Variants in NTRK3 observed in about 807,000 individuals in gnomAD.
NTRK3 encodes the protein neurotrophic receptor tyrosine kinase 3.
Under a neutral mutation model 91.7 loss-of-function variants are expected in NTRK3, and 24 were observed. That is an observed-to-expected ratio of 0.26 (90% CI 0.19 to 0.37). The LOEUF (loss-of-function observed/expected upper bound fraction) is 0.37, where lower values mean the gene tolerates loss of function less well. NTRK3 is among the 10% of genes least tolerant of loss of function. The probability of loss-of-function intolerance (pLI) is 1.00; values close to 1 mark genes in which losing one functional copy is unlikely to be tolerated. For synonymous variants in NTRK3, 483 were observed against 404.0 expected (o/e 1.20, Z -2.34); for missense variants, 880 against 1,068.9 (o/e 0.82, Z 2.46).
Position 88,097,658 on chromosome 15 carries a change from G to T in NTRK3, c.1396+28613C>A, listed in dbSNP as rs369121136. ...GTAACTTAAGTGACCAATAAACGGG[G>T]AATGATTAAATTTAAAAAGACAGAT... is the stretch of plus-strand genomic sequence containing the variant. On this transcript the variant is annotated intron_variant, in intron 13 of 18. Transcript: ENST00000394480. 9.9e-5 allele frequency among the ~76,000 whole-genome samples: 15 copies of T among 152,262 alleles called. No individual in the cohort carries two copies. In the East Asian group the frequency reaches 2.7e-3, roughly 27 times the overall value.
intron 6 of NTRK3, among the ~76,000 whole-genome samples, chr15:88,139,157 G>A (rs1465615041): frequency 6.6e-6 from 1 of 152,216 alleles, no homozygotes; most frequent in Non-Finnish European, 1.5e-5. Context: ...GATAGGGGAA[G>A]AGTCACCTTC....
At chr15:88,019,794 C>T (rs766062965) in intron 14 of NTRK3, among the ~76,000 whole-genome samples, 12 of 152,190 alleles carry the variant, frequency 7.9e-5, no homozygotes, top group Non-Finnish European at 1.6e-4. Flanking sequence ...TAATACACTT[C>T]ATCAGGATCC....
At chr15:87,979,343 T>C (rs1194545239) in intron 14 of NTRK3, 1 of 1,606,420 alleles carries the variant, frequency 6.2e-7, no homozygotes, top group Admixed American at 1.7e-5. Flanking sequence ...TAAAAGGAGT[T>C]TTTAAAAGCC....
At chr15:87,958,708 G>T (rs879087882) in intron 14 of NTRK3, among the ~76,000 whole-genome samples, 2 of 151,908 alleles carry the variant, frequency 1.3e-5, no homozygotes, top group South Asian at 2.1e-4. Context: ...CCCTTATCCT[G>T]CTGGCACCAT....
chr15:88,033,610 C>T (rs1035135088), intron 13 of NTRK3, among the ~76,000 whole-genome samples: 1 of 152,020 alleles, frequency 6.6e-6, no homozygotes, highest in Non-Finnish European at 1.5e-5. Flanking sequence ...CATGCCCGGC[C>T]CACATTTTCT....
chr15:88,108,296 AAG>A (rs1567423790), intron 13 of NTRK3, among the ~76,000 whole-genome samples: 3 of 152,232 alleles, frequency 2.0e-5, no homozygotes, highest in Non-Finnish European at 4.4e-5. Context: ...GTCAGGAAGT[AAG>A]AGTCACTGTC....
intron 13 of NTRK3, among the ~76,000 whole-genome samples, chr15:88,092,873 C>T (rs139200269): frequency 1.6e-4 from 24 of 152,290 alleles, no homozygotes; most frequent in African/African-American, 5.3e-4. Context: ...CTGCCTCTCC[C>T]TTACAAAAAT....
At chr15:88,172,212 T>C (rs1246752992) in intron 5 of NTRK3, among the ~76,000 whole-genome samples, 3 of 151,956 alleles carry the variant, frequency 2.0e-5, no homozygotes, top group African/African-American at 4.8e-5. Context: ...CAAAGACCCA[T>C]TAAGAGGAAA....
intron 13 of NTRK3, among the ~76,000 whole-genome samples, chr15:88,111,149 G>C (rs1245720134): frequency 6.6e-6 from 1 of 152,188 alleles, no homozygotes; most frequent in Non-Finnish European, 1.5e-5. Flanking sequence ...GCATGGTTTG[G>C]GGCTCAATGG....
intron 3 of NTRK3, among the ~76,000 whole-genome samples, chr15:88,251,294 G>A (rs371212403): frequency 2.8e-4 from 42 of 152,322 alleles, no homozygotes; most frequent in South Asian, 8.3e-4. Context: ...TAAAAGTGGC[G>A]TGGCCGAGCC....
intron 14 of NTRK3, among the ~76,000 whole-genome samples, chr15:88,010,451 T>C (rs1224485351): frequency 6.6e-6 from 1 of 152,144 alleles, no homozygotes; most frequent in Non-Finnish European, 1.5e-5. Context: ...GGAGAACAAT[T>C]TATGTAAAAT....
At chr15:87,952,794 C>G (rs1200105659) in intron 14 of NTRK3, among the ~76,000 whole-genome samples, 1 of 152,130 alleles carries the variant, frequency 6.6e-6, no homozygotes, top group African/African-American at 2.4e-5. Context: ...TGTTCCCATT[C>G]CCCACTCCCA....
chr15:87,888,300 G>A (rs1305740958), intron 17 of NTRK3, among the ~76,000 whole-genome samples: 2 of 152,120 alleles, frequency 1.3e-5, no homozygotes, highest in African/African-American at 4.8e-5. Flanking sequence ...GGATCAAGCT[G>A]GAGCAGAACG....
intron 3 of NTRK3, among the ~76,000 whole-genome samples, chr15:88,207,172 C>G (rs187017152): frequency 8.7e-4 from 132 of 152,318 alleles, no homozygotes; most frequent in African/African-American, 3.0e-3. Context: ...TTGCTTGACC[C>G]TAACAGGCTG....
chr15:87,992,512 C>T (rs2075368717), intron 14 of NTRK3, among the ~76,000 whole-genome samples: 1 of 152,170 alleles, frequency 6.6e-6, no homozygotes, highest in Admixed American at 6.5e-5. Flanking sequence ...GCATACACTA[C>T]AATGAAATGG....
chr15:88,184,372 C>A lies in NTRK3; in HGVS notation c.249-73G>T, dbSNP rs984928798. The A allele has an allele frequency of 4.2e-6, 6 of 1,432,530 alleles. No homozygotes were observed. In the African/African-American group the frequency reaches 4.2e-5, roughly 10 times the overall value. The allele number at this position is 1,432,530 out of a possible 1,614,324, so 88.7% of individuals were successfully genotyped here. A position where few individuals can be genotyped will look rare whatever the true frequency, so the allele number is the denominator to read the frequency against. On this transcript the variant is annotated intron_variant, in intron 3 of 18. Transcript: ENST00000394480. ...GGGGCTGGCTTTGGAGCCACAGAGA[C>A]CTGGCTTTGATCCCCGATGAGCTAA...
At position 88,233,332 on chromosome 15, in the gene NTRK3, A is replaced by T. The variant is rs1338733135; in HGVS notation, c.248+22574T>A. Among the ~76,000 whole-genome samples the T allele has an allele frequency of 6.6e-6, 1 of 152,114 alleles. No homozygotes were observed. The highest frequency in any genetic ancestry group is 1.5e-5 in the Non-Finnish European group (1 of 68,018). On this transcript the variant is annotated intron_variant, in intron 3 of 18. Transcript: ENST00000394480. The surrounding 1 kb of genome is among the most constrained non-coding windows in gnomAD (Gnocchi z 4.2). ...AACACCTCTGGCTTCACACAGTTCC[A>T]CCTGCAGTGGTGGCTGGGGGTCTTA...
chr15:88,242,763 C>T (rs1318837277), intron 3 of NTRK3, among the ~76,000 whole-genome samples: 1 of 152,198 alleles, frequency 6.6e-6, no homozygotes, highest in Non-Finnish European at 1.5e-5. Flanking sequence ...CCCAACAGTC[C>T]AGATGCTAGG....
At chr15:88,124,565 A>G (rs2053085729) in intron 13 of NTRK3, among the ~76,000 whole-genome samples, 1 of 152,224 alleles carries the variant, frequency 6.6e-6, no homozygotes, top group African/African-American at 2.4e-5. Context: ...AGGTGGAAGG[A>G]GGAAGAGCTA....
Sources: gnomAD v4.1 joint callset for allele counts (sites outside exome capture counted in the v4.1 genomes callset) on GRCh38, gnomAD v4.1.1 for gene constraint, Gnocchi (gnomAD v3.1) non-coding constraint, MANE v1.5 for transcripts, NCBI Gene and HGNC (gene_info 2026-07-23, HGNC 2026-07-21) for gene names.